The following EGFLAM variants were observed in gnomAD, a reference collection of about 807,000 sequenced individuals.
EGFLAM encodes the protein pikachurin.
A neutral mutation model predicts 113.1 loss-of-function variants in EGFLAM; 79 were observed. The ratio of observed to expected loss-of-function variants is 0.70; its 90% CI spans 0.58 to 0.84. EGFLAM has a LOEUF of 0.84. Among genes scored for constraint, EGFLAM ranks in the 40% least tolerant of loss-of-function variants. EGFLAM has a pLI of 0.00. For missense variants in EGFLAM, 1,265 were observed against 1,291.6 expected (o/e 0.98, Z 0.32); for synonymous variants, 504 against 487.6 (o/e 1.03, Z -0.44).
chr5:38,400,951 C>T (rs1307405999), intron 6 of EGFLAM: 3 of 152,144 alleles, frequency 2.0e-5, no homozygotes, highest in Non-Finnish European at 2.9e-5. Context: ...TTCCATATTC[C>T]TTTTCCCCTT....
At position 38,388,382 on chromosome 5, in the gene EGFLAM, G is replaced by A. The variant is rs117446657; in HGVS notation, c.713-17744G>A. Among the ~76,000 whole-genome samples the A allele has an allele frequency of 1.3e-3, 202 of 152,228 alleles. 3 individuals are homozygous for A. In the East Asian group the frequency reaches 0.035, roughly 26 times the overall value. The stretch of plus-strand genomic sequence containing the variant: ...CACCTGCAATCCCAGCATGCTGGGA[G>A]GCCAAGGTGAGAGGATTGCTTGAGC... On this transcript the variant is annotated intron_variant, in intron 6 of 21. Coordinates refer to ENST00000322350, the MANE Select transcript of EGFLAM (RefSeq NM_152403.4).
At chr5:38,299,331 A>G (rs1758518326) in intron 1 of EGFLAM, among the ~76,000 whole-genome samples, 1 of 152,220 alleles carries the variant, frequency 6.6e-6, no homozygotes, top group Non-Finnish European at 1.5e-5. Context: ...TATGTGGCTT[A>G]CATATAGAAG....
At chr5:38,336,911 T>A (rs952947055) in intron 1 of EGFLAM, among the ~76,000 whole-genome samples, 2 of 152,192 alleles carry the variant, frequency 1.3e-5, no homozygotes, top group African/African-American at 4.8e-5. Context: ...CATTTCTGAA[T>A]GTTAGAATTA....
Position 38,386,404 on chromosome 5 carries a change from A to C in EGFLAM, c.712+15942A>C, listed in dbSNP as rs546355603. The stretch of plus-strand genomic sequence containing the variant: ...AACAGAGTTTCACCATGTTGGTCAG[A>C]CTAGTCTCGAACTCCTGACCTCATG... On this transcript the variant is annotated intron_variant, in intron 6 of 21. Transcript: ENST00000322350. 1.4e-4 allele frequency among the ~76,000 whole-genome samples: 22 copies of C among 152,302 alleles called. No homozygotes were observed. The South Asian group carries it at 4.6e-3, about 32-fold the overall frequency.
At chr5:38,433,703 C>T (rs1561090541) in intron 15 of EGFLAM, among the ~76,000 whole-genome samples, 1 of 152,178 alleles carries the variant, frequency 6.6e-6, no homozygotes, top group Non-Finnish European at 1.5e-5. Context: ...TTCCTCTTTC[C>T]ATCTTATTTT....
Position 38,324,063 on chromosome 5 carries a change from A to G in EGFLAM, c.98-13457A>G, listed in dbSNP as rs887170255. Reference sequence around the variant, plus strand: ...TCAAACAAAAAAAAAAAAAAAAAAAAGCTTTACTTGCCCTAGCCAAAGCTT... The same window carrying G: ...TCAAACAAAAAAAAAAAAAAAAAAAGGCTTTACTTGCCCTAGCCAAAGCTT... On this transcript the variant is annotated intron_variant, in intron 1 of 21. Transcript: ENST00000322350. 5.5e-5 allele frequency among the ~76,000 whole-genome samples: 8 copies of G among 144,310 alleles called. No homozygotes were observed. The South Asian group carries it at 1.8e-3, about 32-fold the overall frequency. 94.7% of individuals were successfully genotyped at this position (144,310 alleles called of 152,430 possible).
At chr5:38,319,252 G>C (rs970732542) in intron 1 of EGFLAM, among the ~76,000 whole-genome samples, 2 of 152,014 alleles carry the variant, frequency 1.3e-5, no homozygotes, top group East Asian at 3.9e-4. Context: ...CCAAGACAGG[G>C]GTCTGATGTG....
chr5:38,273,168 T>C (rs1050949826), intron 1 of EGFLAM, among the ~76,000 whole-genome samples: 2 of 152,122 alleles, frequency 1.3e-5, no homozygotes, highest in African/African-American at 2.4e-5. Flanking sequence ...CAGCACAGCA[T>C]GGAGAGACAC....
chr5:38,437,557 A>G (rs1742388791), intron 16 of EGFLAM, among the ~76,000 whole-genome samples: 1 of 152,004 alleles, frequency 6.6e-6, no homozygotes, highest in African/African-American at 2.4e-5. Flanking sequence ...ACTCTCAAAA[A>G]CTTTTTAAAG....
chr5:38,369,171 G>A (rs974849918), intron 5 of EGFLAM, among the ~76,000 whole-genome samples: 1 of 152,058 alleles, frequency 6.6e-6, no homozygotes, highest in Admixed American at 6.5e-5. Context: ...GAAAGTTTAC[G>A]TTTTCTAAGA....
At chr5:38,409,128 A>G in intron 10 of EGFLAM, 24 bp downstream of exon 10, 2 of 1,521,664 alleles carry the variant, frequency 1.3e-6, no homozygotes, top group East Asian at 2.4e-5. Context: ...AAAGCCTCAC[A>G]CTCTTTTTTT....
chr5:38,418,909 G>A (rs796673498), intron 12 of EGFLAM, among the ~76,000 whole-genome samples: 14 of 152,240 alleles, frequency 9.2e-5, no homozygotes, highest in African/African-American at 2.9e-4. Context: ...GTTAATTCAG[G>A]GACTGTCTAC....
At chr5:38,307,435 C>T (rs552975943) in intron 1 of EGFLAM, among the ~76,000 whole-genome samples, 101 of 152,346 alleles carry the variant, frequency 6.6e-4, no homozygotes, top group African/African-American at 2.4e-3. Flanking sequence ...GGGGGCTCCC[C>T]TTCACTCAGC....
At position 38,320,060 on chromosome 5, in the gene EGFLAM, G is replaced by A. The variant is rs182872499; in HGVS notation, c.98-17460G>A. ...GGAGAACAGGGCCCAGTTAAAATTG[G>A]AAGCCATCATGGCAGCGTAAAATTT... is the stretch of plus-strand genomic sequence containing the variant. On this transcript the variant is annotated intron_variant, in intron 1 of 21. Transcript: ENST00000322350. 3.3e-5 allele frequency among the ~76,000 whole-genome samples: 5 copies of A among 152,328 alleles called. No homozygotes were observed. The East Asian group carries it at 9.6e-4, about 29-fold the overall frequency.
At chr5:38,384,807 A>G (rs1271987632) in intron 6 of EGFLAM, among the ~76,000 whole-genome samples, 4 of 152,000 alleles carry the variant, frequency 2.6e-5, no homozygotes, top group Non-Finnish European at 1.5e-5. Context: ...CCAAATGCTC[A>G]AAAGTATTTG....
chr5:38,386,413 G>A (rs376601849), intron 6 of EGFLAM, among the ~76,000 whole-genome samples: 140 of 152,290 alleles, frequency 9.2e-4, no homozygotes, highest in African/African-American at 3.2e-3. Flanking sequence ...GACTAGTCTC[G>A]AACTCCTGAC....
chr5:38,345,054 C>A (rs1325573737), intron 3 of EGFLAM, among the ~76,000 whole-genome samples: 1 of 152,164 alleles, frequency 6.6e-6, no homozygotes, highest in Non-Finnish European at 1.5e-5. Flanking sequence ...GGCAGTTGAA[C>A]ATCTGAAAAA....
intron 14 of EGFLAM, among the ~76,000 whole-genome samples, chr5:38,428,675 AC>A (rs2112198411): frequency 6.6e-6 from 1 of 152,042 alleles, no homozygotes; most frequent in East Asian, 1.9e-4. Context: ...TGGACAGACT[AC>A]CCCCTCCACA....
intron 1 of EGFLAM, among the ~76,000 whole-genome samples, chr5:38,290,058 T>G (rs552594574): frequency 4.0e-4 from 61 of 152,306 alleles, no homozygotes; most frequent in African/African-American, 1.4e-3. Flanking sequence ...AACTGAGCAT[T>G]AAAGAGTGTC....
Sources: gnomAD v4.1 joint callset for allele counts (sites outside exome capture counted in the v4.1 genomes callset) on GRCh38, gnomAD v4.1.1 for gene constraint, MANE v1.5 for transcripts, NCBI Gene and HGNC (gene_info 2026-07-23, HGNC 2026-07-21) for gene names.